The following HOMEZ variants were observed in gnomAD, a reference collection of about 807,000 sequenced individuals.
HOMEZ encodes homeobox and leucine zipper protein Homez.
A neutral mutation model predicts 50.1 loss-of-function variants in HOMEZ; 20 were observed. The observed-to-expected ratio is 0.40, with a 90% CI of 0.28 to 0.58. The LOEUF is 0.58. Among genes scored for constraint, HOMEZ ranks in the 20% least tolerant of loss-of-function variants. The probability of loss-of-function intolerance (pLI) is 0.46; values close to 1 mark genes in which losing one functional copy is unlikely to be tolerated. For missense variants in HOMEZ, 579 were observed against 680.5 expected, an observed-to-expected ratio of 0.85 and a Z score of 1.66; for synonymous variants, 239 against 254.7, an observed-to-expected ratio of 0.94 and a Z score of 0.59.
In HOMEZ at chr14:23,275,933, T is replaced by A; in HGVS notation, c.1295A>T (p.Asp432Val). ...TGGTGGTGGTGTAGGAATTGCTGGG[T>A]CTTGGAAACTAGGGGCACCAGGTAC... ...NAVPGAPSFQ[D>V]PAIPTPPPST... Residue 432 changes from aspartate to valine, a missense_variant, in exon 2 of 2, where the codon GAC (aspartate) becomes GTC (valine). Asp to Val is a radical substitution (Grantham distance 152). Coordinates refer to ENST00000357460, the MANE Select transcript of HOMEZ (RefSeq NM_020834.3). 6.2e-7 allele frequency: 1 copy of A among 1,609,244 alleles called. No individual in the cohort carries two copies. The highest frequency in any genetic ancestry group is 8.5e-7 in the Non-Finnish European group (1 of 1,177,386).
Position 23,276,808 on chromosome 14 carries a change from A to C in HOMEZ, c.420T>G (p.Ser140=), listed in dbSNP as rs754986781. 1.9e-6 allele frequency: 3 copies of C among 1,613,914 alleles called. No individual in the cohort carries two copies. The African/African-American group carries it at 4.0e-5, about 22-fold the overall frequency. ...RDQLHFKSLL[S]FTHHAGRPPE... ...GGGGCCGTCCCGCATGATGAGTAAA[A>C]GAGAGAAGGGATTTGAAATGGAGTT... is the stretch of plus-strand genomic sequence containing the variant. Residue 140 remains serine, a synonymous_variant, in exon 2 of 2, where the codon TCT becomes TCG. Coordinates refer to ENST00000357460, the MANE Select transcript of HOMEZ (RefSeq NM_020834.3). This position sits in a 1 kb window ranked among gnomAD's most constrained non-coding sequence, Gnocchi z 4.1.
intron 1 of HOMEZ, among the ~76,000 whole-genome samples, chr14:23,283,248 T>C (rs1340994157): frequency 6.6e-6 from 1 of 152,104 alleles, no homozygotes; most frequent in African/African-American, 2.4e-5. Context: ...CTAATAAAAA[T>C]ATATGGAGTC....
In HOMEZ at chr14:23,276,466, G is replaced by T; in HGVS notation, c.762C>A (p.Val254=). The T allele has an allele frequency of 6.2e-7, 1 of 1,614,066 alleles. No individual in the cohort carries two copies. The change falls in exon 2 of 2, where the codon GTC becomes GTA. Residue 254 remains valine, a synonymous_variant. Coordinates refer to ENST00000357460, the MANE Select transcript of HOMEZ (RefSeq NM_020834.3). This position sits in a 1 kb window ranked among gnomAD's most constrained non-coding sequence, Gnocchi z 4.1. The part of the protein sequence containing the change: ...GTASWNHSTT[V]PQPQARDKPP... ...GTTTATCCCGAGCTTGTGGCTGGGG[G>T]ACGGTTGTGGAGTGGTTCCAGGAAG...
Position 23,275,358 on chromosome 14 carries a change from T to C in HOMEZ, c.*217A>G, listed in dbSNP as rs1886317893. 3.4e-6 allele frequency: 2 copies of C among 586,316 alleles called. No individual in the cohort carries two copies. Among genetic ancestry groups the C allele is most frequent in the Non-Finnish European group, 5.9e-6 (2 of 340,396 alleles). 36.3% of individuals were successfully genotyped at this position (586,316 alleles called of 1,614,324 possible). On this transcript the variant is annotated 3_prime_UTR_variant, in exon 2 of 2. Coordinates refer to ENST00000357460, the MANE Select transcript of HOMEZ (RefSeq NM_020834.3). ...CACTCCCTACCCTAAGGTTAGAGGG[T>C]TGGATTTCTGCTGATCCAATCCCAG...
At chr14:23,278,490 C>T (rs1282744756) in intron 1 of HOMEZ, among the ~76,000 whole-genome samples, 2 of 151,646 alleles carry the variant, frequency 1.3e-5, no homozygotes, top group Non-Finnish European at 2.9e-5. Flanking sequence ...CTCAGCCTCC[C>T]AAGTAGCTAG....
In HOMEZ at chr14:23,276,030, T is replaced by C. The variant is rs1375260630; in HGVS notation, c.1198A>G (p.Ile400Val). 2 of 1,613,806 alleles carry C rather than the reference T, an allele frequency of 1.2e-6. No individual in the cohort carries two copies. The highest frequency in any genetic ancestry group is 1.1e-5 in the South Asian group (1 of 91,054). The change falls in exon 2 of 2, where the codon ATC becomes GTC. Residue 400 changes from isoleucine to valine, a missense_variant. Coordinates refer to ENST00000357460, the MANE Select transcript of HOMEZ (RefSeq NM_020834.3). The surrounding 1 kb of genome is among the most constrained non-coding windows in gnomAD (Gnocchi z 4.1). ...EQITGLPRPE[I>V]IQWFGDTRYA... The stretch of plus-strand genomic sequence containing the variant: ...CGTGTGTCACCAAACCACTGAATGA[T>C]CTCAGGCCGAGGTAAACCAGTGATC...
chr14:23,276,471 T>C lies in HOMEZ; in HGVS notation c.757A>G (p.Thr253Ala), dbSNP rs1432151028. The change falls in exon 2 of 2, where the codon ACC becomes GCC. Residue 253 changes from threonine (T) to alanine (A), a missense_variant. Transcript: ENST00000357460. This position sits in a 1 kb window ranked among gnomAD's most constrained non-coding sequence, Gnocchi z 4.1. Reference protein sequence around the residue: ...IGTASWNHSTTVPQPQARDKP... With the variant: ...IGTASWNHSTAVPQPQARDKP... The stretch of plus-strand genomic sequence containing the variant: ...TCCCGAGCTTGTGGCTGGGGGACGG[T>C]TGTGGAGTGGTTCCAGGAAGCAGTA... The C allele has an allele frequency of 6.2e-7, 1 of 1,613,968 alleles. No individual in the cohort carries two copies. Among genetic ancestry groups the C allele is most frequent in the Non-Finnish European group, 8.5e-7 (1 of 1,179,882 alleles).
chr14:23,280,714 TATTTTATTTTATTTTATTTTATTTTA>T, intron 1 of HOMEZ, among the ~76,000 whole-genome samples: 1 of 60,334 alleles, frequency 1.7e-5, no homozygotes, highest in African/African-American at 7.3e-5. Context: ...TTTTTATTTT[TATTTTATTTTATTTTATTTTATTTTA>T]TTATTTTATT....
In HOMEZ at chr14:23,273,850, A is replaced by G. The variant is rs1415414920; in HGVS notation, c.*1725T>C. On this transcript the variant is annotated 3_prime_UTR_variant, in exon 2 of 2. Coordinates refer to ENST00000357460, the MANE Select transcript of HOMEZ (RefSeq NM_020834.3). ...TCCTGAAGCCTCAGAAATTTTAGTC[A>G]TTATCATTTGATGGCTGAGAAACAA... 1 of 152,500 alleles carries G rather than the reference A, an allele frequency of 6.6e-6. No individual in the cohort carries two copies. Among genetic ancestry groups the G allele is most frequent in the East Asian group, 1.9e-4 (1 of 5,208 alleles). The allele number at this position is 152,500 out of a possible 1,614,324, so 9.4% of individuals were successfully genotyped here.
At position 23,272,747 on chromosome 14, in the gene HOMEZ, C is replaced by G; in HGVS notation, c.*2828G>C. On this transcript the variant is annotated 3_prime_UTR_variant, in exon 2 of 2. Transcript: ENST00000357460. The stretch of plus-strand genomic sequence containing the variant: ...GGTGTCTGTCTCGATAAGCTTCATA[C>G]AACAGGTCAGAGAGACTTGCTTGCC... 1.1e-6 allele frequency: 1 copy of G among 891,174 alleles called. No individual in the cohort carries two copies. The highest frequency in any genetic ancestry group is 1.7e-5 in the African/African-American group (1 of 60,436). The allele number at this position is 891,174 out of a possible 1,614,324, so 55.2% of individuals were successfully genotyped here. A position where few individuals can be genotyped will look rare whatever the true frequency, so the allele number is the denominator to read the frequency against.
In HOMEZ at chr14:23,280,735, A is replaced by ATT. The variant is rs1284123383; in HGVS notation, c.41-3550_41-3549dup. Among the ~76,000 whole-genome samples, 39 of 78,674 alleles carry ATT rather than the reference A, an allele frequency of 5.0e-4. 1 individual carries two copies. The highest frequency in any genetic ancestry group is 8.5e-4 in the South Asian group (2 of 2,364). The allele number at this position is 78,674 out of a possible 152,430, so 51.6% of individuals were successfully genotyped here. The stretch of plus-strand genomic sequence containing the variant: ...TTTTTATTTTATTTTATTTTATTTT[A>ATT]TTTTATTATTTTATTTTATTTTATT... On this transcript the variant is annotated intron_variant, in intron 1 of 1. Coordinates refer to ENST00000357460, the MANE Select transcript of HOMEZ (RefSeq NM_020834.3).
chr14:23,281,799 AAATAATAATAATAATAAT>A (rs55828215), intron 1 of HOMEZ, among the ~76,000 whole-genome samples: 2 of 137,456 alleles, frequency 1.5e-5, no homozygotes, highest in Non-Finnish European at 3.1e-5. Context: ...CTGTCTCTAC[AAATAATAATAATAATAAT>A]AATAATAATA....
intron 1 of HOMEZ, among the ~76,000 whole-genome samples, chr14:23,282,557 T>C (rs368589242): frequency 5.8e-4 from 88 of 150,970 alleles, no homozygotes; most frequent in African/African-American, 2.1e-3. Context: ...CACTTTATGA[T>C]GGCAATGCTT....
intron 1 of HOMEZ, among the ~76,000 whole-genome samples, chr14:23,281,370 T>C (rs1053001107): frequency 6.6e-6 from 1 of 152,118 alleles, no homozygotes. Context: ...GAAATATGAA[T>C]TCTTCAATAA....
chr14:23,283,305 G>C lies in HOMEZ; in HGVS notation c.40+2608C>G, dbSNP rs77965482. On this transcript the variant is annotated intron_variant, in intron 1 of 1. Coordinates refer to ENST00000357460, the MANE Select transcript of HOMEZ (RefSeq NM_020834.3). ...TGCCCGTATTCCCAGCACTTTGGGA[G>C]GCAGGAGGATCACTTGAGCTCAGGA... 8.2e-3 allele frequency among the ~76,000 whole-genome samples: 1,254 copies of C among 152,282 alleles called. 10 individuals carry two copies. Among genetic ancestry groups the C allele is most frequent in the Middle Eastern group, 0.017 (5 of 294 alleles).
rs1886256697 is a variant in HOMEZ at position 23,273,442 on chromosome 14, T to C, written c.*2133A>G. 6.6e-6 allele frequency: 1 copy of C among 152,294 alleles called. No homozygotes were observed. Among genetic ancestry groups the C allele is most frequent in the South Asian group, 2.1e-4 (1 of 4,840 alleles). 9.4% of individuals were successfully genotyped at this position (152,294 alleles called of 1,614,324 possible). A position where few individuals can be genotyped will look rare whatever the true frequency, so the allele number is the denominator to read the frequency against. On this transcript the variant is annotated 3_prime_UTR_variant, in exon 2 of 2. Coordinates refer to ENST00000357460, the MANE Select transcript of HOMEZ (RefSeq NM_020834.3). ...ACTGATTTTCAGCTTAGTATATAGATAGTAAAATAAAGACGATGCCCTTTT... is the reference window on the plus strand; with the variant it reads ...ACTGATTTTCAGCTTAGTATATAGACAGTAAAATAAAGACGATGCCCTTTT...
At chr14:23,277,242 C>A in intron 1 of HOMEZ, 55 bp from the exon 2 acceptor site, 1 of 1,433,602 alleles carries the variant, frequency 7.0e-7, no homozygotes, top group Admixed American at 2.6e-5. Flanking sequence ...TGACACACTG[C>A]TCAATTTCTA....
chr14:23,285,931 G>T lies in HOMEZ; in HGVS notation c.22C>A (p.Pro8Thr), dbSNP rs986312773. Residue 8 changes from proline (P) to threonine (T), a missense_variant, in exon 1 of 2, where the codon CCG (proline) becomes ACG (threonine). Transcript: ENST00000357460. ...CACTCACCGCAGTCCAGCCCGGGCG[G>T]CGGCTCCCAGCCTCGCACCATGGGC... MVRGWEP[P>T]PGLDCAISEG... 3 of 1,246,806 alleles carry T rather than the reference G, an allele frequency of 2.4e-6. No homozygotes were observed. The highest frequency in any genetic ancestry group is 3.1e-5 in the African/African-American group (2 of 64,474). 77.2% of individuals were successfully genotyped at this position (1,246,806 alleles called of 1,614,324 possible). A position where few individuals can be genotyped will look rare whatever the true frequency, so the allele number is the denominator to read the frequency against.
At chr14:23,281,791 G>C (rs1185379777) in intron 1 of HOMEZ, among the ~76,000 whole-genome samples, 1 of 136,664 alleles carries the variant, frequency 7.3e-6, no homozygotes, top group East Asian at 2.1e-4. Context: ...TGGTGAAACT[G>C]TCTCTACAAA....
Sources: allele counts gnomAD v4.1 joint callset (sites outside exome capture counted in the v4.1 genomes callset), GRCh38; gene constraint gnomAD v4.1.1; non-coding constraint Gnocchi (gnomAD v3.1); transcripts MANE v1.5; gene names NCBI Gene and HGNC (gene_info 2026-07-23, HGNC 2026-07-21).